Variants in CREB5 observed in about 807,000 individuals in gnomAD.
CREB5 encodes the protein cyclic AMP-responsive element-binding protein 5.
In CREB5, 19 loss-of-function variants were observed where a neutral mutation model predicts 57.1. The observed-to-expected ratio is 0.33, with a 90% confidence interval of 0.23 to 0.49. The LOEUF is 0.49. CREB5 is among the 20% of genes least tolerant of loss of function. The pLI is 0.99. For synonymous variants in CREB5, 238 were observed against 238.3 expected (o/e 1.00, Z 0.01); for missense variants, 579 against 671.6 (o/e 0.86, Z 1.52).
In CREB5 at chr7:28,595,957, T is replaced by C. The variant is rs1166694106; in HGVS notation, c.464+25420T>C. Reference sequence around the variant, plus strand: ...GGTGTTTTGGATTTCTGGAGAAATATGATATTTGGTCTCACTTTCATCGTG... The same window carrying C: ...GGTGTTTTGGATTTCTGGAGAAATACGATATTTGGTCTCACTTTCATCGTG... On this transcript the variant is annotated intron_variant, in intron 5 of 10. Transcript: ENST00000357727. Among the ~76,000 whole-genome samples the C allele has an allele frequency of 1.3e-5, 2 of 152,186 alleles. 1 individual carries two copies. Among genetic ancestry groups the C allele is most frequent in the African/African-American group, 4.8e-5 (2 of 41,448 alleles).
chr7:28,486,520 A>G (rs961141430), intron 1 of CREB5, among the ~76,000 whole-genome samples: 1 of 150,546 alleles, frequency 6.6e-6, no homozygotes, highest in Non-Finnish European at 1.5e-5. Flanking sequence ...TAGAAGTAGT[A>G]GGTTTTAATT....
intron 1 of CREB5, among the ~76,000 whole-genome samples, chr7:28,305,733 TA>T (rs1785170687): frequency 6.7e-6 from 1 of 148,866 alleles, no homozygotes; most frequent in African/African-American, 2.5e-5. Flanking sequence ...TTTTTTTTTT[TA>T]AACTTCATTA....
chr7:28,701,867 A>G (rs1801876817), intron 5 of CREB5, among the ~76,000 whole-genome samples: 1 of 152,250 alleles, frequency 6.6e-6, no homozygotes, highest in Admixed American at 6.5e-5. Flanking sequence ...AAATAATAAA[A>G]AGAGAAATAC....
At chr7:28,596,129 G>A (rs896343010) in intron 5 of CREB5, among the ~76,000 whole-genome samples, 1 of 152,104 alleles carries the variant, frequency 6.6e-6, no homozygotes, top group Admixed American at 6.6e-5. Context: ...GTGATGATAT[G>A]GTGCAATTTT....
At chr7:28,761,627 G>A (rs1805659723) in intron 7 of CREB5, among the ~76,000 whole-genome samples, 1 of 152,056 alleles carries the variant, frequency 6.6e-6, no homozygotes, top group African/African-American at 2.4e-5. Flanking sequence ...ACTGTATGGG[G>A]CTTTTTTGGC....
intron 1 of CREB5, among the ~76,000 whole-genome samples, chr7:28,322,091 A>G (rs1182837450): frequency 6.6e-6 from 1 of 152,222 alleles, no homozygotes; most frequent in African/African-American, 2.4e-5. Context: ...TACCCCAGAG[A>G]TGTAGTAAAA....
At chr7:28,593,315 C>A (rs1796589091) in intron 5 of CREB5, among the ~76,000 whole-genome samples, 1 of 152,210 alleles carries the variant, frequency 6.6e-6, no homozygotes. Flanking sequence ...GTGGCATGAT[C>A]TCGGCTCACT....
At chr7:28,319,123 C>T (rs1785439402) in intron 1 of CREB5, among the ~76,000 whole-genome samples, 1 of 152,048 alleles carries the variant, frequency 6.6e-6, no homozygotes, top group African/African-American at 2.4e-5. Flanking sequence ...ACCTGTTCCC[C>T]AGCTTGAGAA....
intron 1 of CREB5, among the ~76,000 whole-genome samples, chr7:28,342,564 C>G (rs529847322): frequency 1.3e-4 from 20 of 152,274 alleles, no homozygotes; most frequent in African/African-American, 4.6e-4. Flanking sequence ...ATTAAAATGG[C>G]AAGATTATAA....
At position 28,544,367 on chromosome 7, in the gene CREB5, A is replaced by G. The variant is rs550695793; in HGVS notation, c.292-25998A>G. ...ATTGCCGAATTTGGAAGAAAAGTCC[A>G]CATTCTGAAATGTGTGTTCCAACCT... On this transcript the variant is annotated intron_variant, in intron 4 of 10. Coordinates refer to ENST00000357727, the MANE Select transcript of CREB5 (RefSeq NM_182898.4). 3.9e-5 allele frequency among the ~76,000 whole-genome samples: 6 copies of G among 152,310 alleles called. 1 individual carries two copies. The South Asian group carries it at 8.3e-4, about 21-fold the overall frequency.
intron 5 of CREB5, among the ~76,000 whole-genome samples, chr7:28,711,046 G>A (rs1372684807): frequency 2.9e-4 from 44 of 152,260 alleles, no homozygotes. Context: ...GGTATACCAG[G>A]CCCAGAGCAA....
At chr7:28,530,869 C>T in intron 4 of CREB5, among the ~76,000 whole-genome samples, 1 of 152,162 alleles carries the variant, frequency 6.6e-6, no homozygotes, top group East Asian at 1.9e-4. Flanking sequence ...TAGTGGTGGC[C>T]TTATTAAGAC....
At chr7:28,491,263 G>T in intron 2 of CREB5, 1 of 985,384 alleles carries the variant, frequency 1.0e-6, no homozygotes. Flanking sequence ...AGACAGAAGG[G>T]GTGAGCATGC....
chr7:28,417,580 T>G (rs1583437900), intron 1 of CREB5, among the ~76,000 whole-genome samples: 1 of 152,340 alleles, frequency 6.6e-6, no homozygotes, highest in East Asian at 1.9e-4. Context: ...TCTGACATTC[T>G]GATTTAATTG....
rs1215492156 is a variant in CREB5 at position 28,560,879 on chromosome 7, C to CGTGTGTGCGCGT, written c.292-9483_292-9482insTGTGCGCGTGTG. Among the ~76,000 whole-genome samples, 2 of 22,060 alleles carry CGTGTGTGCGCGT rather than the reference C, an allele frequency of 9.1e-5. 1 individual carries two copies. The highest frequency in any genetic ancestry group is 2.1e-4 in the Non-Finnish European group (2 of 9,684). 14.5% of individuals were successfully genotyped at this position (22,060 alleles called of 152,430 possible). On this transcript the variant is annotated intron_variant, in intron 4 of 10. Transcript: ENST00000357727. ...GTGTGCGTGTGCCTGCGTGCGCGTG[C>CGTGTGTGCGCGT]GTGCGTGCGTGTGTGTGCGTGCGCG...
intron 5 of CREB5, among the ~76,000 whole-genome samples, chr7:28,603,106 T>C (rs140646506): frequency 9.8e-5 from 15 of 152,316 alleles, no homozygotes; most frequent in African/African-American, 3.6e-4. Context: ...ATTTCCACAA[T>C]CCTACCATGA....
At chr7:28,538,450 C>A (rs188040804) in intron 4 of CREB5, among the ~76,000 whole-genome samples, 9 of 152,256 alleles carry the variant, frequency 5.9e-5, no homozygotes, top group African/African-American at 2.2e-4. Context: ...GTAGCTATGT[C>A]CCCTATTTTA....
At chr7:28,528,054 G>T (rs1187345589) in intron 4 of CREB5, among the ~76,000 whole-genome samples, 3 of 152,152 alleles carry the variant, frequency 2.0e-5, no homozygotes, top group Admixed American at 1.3e-4. Context: ...CCAGCAAATT[G>T]CCTTGCACAT....
At chr7:28,321,331 C>T (rs547188943) in intron 1 of CREB5, among the ~76,000 whole-genome samples, 64 of 152,086 alleles carry the variant, frequency 4.2e-4, no homozygotes, top group African/African-American at 1.3e-3. Context: ...GCGAAATGGC[C>T]AGGGCTGGCT....
Sources: allele counts gnomAD v4.1 joint callset (sites outside exome capture counted in the v4.1 genomes callset), GRCh38; gene constraint gnomAD v4.1.1; transcripts MANE v1.5; gene names NCBI Gene and HGNC (gene_info 2026-07-23, HGNC 2026-07-21).